KCNQ5: variants seen among roughly 807,000 people sequenced by gnomAD.
The protein encoded by KCNQ5 is potassium voltage-gated channel subfamily KQT member 5.
A neutral mutation model predicts 98.2 loss-of-function variants in KCNQ5; 30 were observed. The observed-to-expected ratio is 0.31, with a 90% confidence interval of 0.23 to 0.41. The LOEUF (loss-of-function observed/expected upper bound fraction) is 0.41. Among genes scored for constraint, KCNQ5 ranks in the 10% least tolerant of loss-of-function variants. The pLI is 1.00. For synonymous variants in KCNQ5, 458 were observed against 449.4 expected (o/e 1.02, Z -0.24); for missense variants, 835 against 1,182.5 (o/e 0.71, Z 4.31).
chr6:73,129,058 T>C (rs184220307), intron 9 of KCNQ5, among the ~76,000 whole-genome samples: 1 of 152,378 alleles, frequency 6.6e-6, no homozygotes, highest in Admixed American at 6.5e-5. Flanking sequence ...ATGAATGATC[T>C]GCATGTGTTG....
rs367882982 is a variant in KCNQ5, at chr6:72,644,122, A to G, written c.398+21535A>G. 8.7e-4 allele frequency among the ~76,000 whole-genome samples: 132 copies of G among 152,316 alleles called. 4 individuals are homozygous for G. The South Asian group carries it at 0.027, about 31-fold the overall frequency. ...TAGTAGGTTGTTCTCATTCTGTTCC[A>G]TAAGGTCACTGCAAATACTGAATTA... On this transcript the variant is annotated intron_variant, in intron 1 of 13. Coordinates refer to ENST00000370398, the MANE Select transcript of KCNQ5 (RefSeq NM_019842.4).
chr6:73,154,822 T>C (rs906859039), intron 10 of KCNQ5, among the ~76,000 whole-genome samples: 1 of 152,326 alleles, frequency 6.6e-6, no homozygotes, highest in Non-Finnish European at 1.5e-5. Flanking sequence ...AAGTAAACAT[T>C]ATGTGGAAAT....
At chr6:72,830,691 TA>T (rs1455541908) in intron 1 of KCNQ5, among the ~76,000 whole-genome samples, 1 of 152,144 alleles carries the variant, frequency 6.6e-6, no homozygotes, top group East Asian at 1.9e-4. Flanking sequence ...ATCTCATGTC[TA>T]AAACACCAAA....
chr6:72,843,701 C>A (rs1776901347), intron 1 of KCNQ5, among the ~76,000 whole-genome samples: 1 of 152,110 alleles, frequency 6.6e-6, no homozygotes, highest in African/African-American at 2.4e-5. Context: ...TGGGTATATA[C>A]CCAAAGGATT....
In KCNQ5 at chr6:73,144,483, C is replaced by T. The variant is rs992680419; in HGVS notation, c.1468+10842C>T. 3.3e-5 allele frequency among the ~76,000 whole-genome samples: 5 copies of T among 152,248 alleles called. No individual in the cohort carries two copies. In the South Asian group the frequency reaches 8.3e-4, roughly 25 times the overall value. The stretch of plus-strand genomic sequence containing the variant: ...TCTAATGCAGTAGCAATTGTTATAC[C>T]ACATCGTTCTATTGGAATTGATGAC... On this transcript the variant is annotated intron_variant, in intron 10 of 13. Transcript: ENST00000370398.
At chr6:73,119,180 A>G (rs1775642859) in intron 7 of KCNQ5, among the ~76,000 whole-genome samples, 1 of 152,242 alleles carries the variant, frequency 6.6e-6, no homozygotes, top group Non-Finnish European at 1.5e-5. Context: ...ACCAAAATCT[A>G]TATGGGAAAG....
intron 10 of KCNQ5, among the ~76,000 whole-genome samples, chr6:73,145,227 T>C (rs762426562): frequency 2.7e-4 from 41 of 152,200 alleles, no homozygotes; most frequent in Admixed American, 6.5e-5. Context: ...TTTCTATGAA[T>C]TGGCTCATTT....
At chr6:73,098,010 AT>A (rs1405708916) in intron 5 of KCNQ5, among the ~76,000 whole-genome samples, 1 of 152,162 alleles carries the variant, frequency 6.6e-6, no homozygotes, top group East Asian at 1.9e-4. Context: ...CCAGGAAAAC[AT>A]GAGACACTCA....
intron 1 of KCNQ5, among the ~76,000 whole-genome samples, chr6:72,727,799 G>A (rs1449018383): frequency 1.3e-5 from 2 of 151,996 alleles, no homozygotes; most frequent in Non-Finnish European, 2.9e-5. Flanking sequence ...GGCCTCAGTT[G>A]CAGGTTGGGT....
chr6:72,941,476 TTCCC>T (rs1457026751), intron 1 of KCNQ5, among the ~76,000 whole-genome samples: 8 of 97,302 alleles, frequency 8.2e-5, no homozygotes, highest in African/African-American at 7.6e-5. Context: ...CCTTCCCTCC[TTCCC>T]TCCCTCCCTT....
intron 3 of KCNQ5, among the ~76,000 whole-genome samples, chr6:73,054,614 G>T (rs1230591982): frequency 6.6e-6 from 1 of 152,166 alleles, no homozygotes; most frequent in African/African-American, 2.4e-5. Context: ...CTCAATAAAT[G>T]CAGAAAAGGC....
chr6:72,899,445 C>T (rs967764544), intron 1 of KCNQ5, among the ~76,000 whole-genome samples: 1 of 152,084 alleles, frequency 6.6e-6, no homozygotes, highest in African/African-American at 2.4e-5. Flanking sequence ...TGGGGTCAAA[C>T]AATATGAGTA....
chr6:72,741,069 A>C (rs1030270427), intron 1 of KCNQ5, among the ~76,000 whole-genome samples: 1 of 152,240 alleles, frequency 6.6e-6, no homozygotes, highest in Admixed American at 6.5e-5. Flanking sequence ...AGTGCAGATG[A>C]GAATTCAGGT....
intron 1 of KCNQ5, among the ~76,000 whole-genome samples, chr6:72,965,070 C>T (rs1237256338): frequency 1.3e-5 from 2 of 152,124 alleles, no homozygotes; most frequent in Non-Finnish European, 2.9e-5. Context: ...ACCTCGGCCT[C>T]GAGTGCTGGG....
At chr6:72,846,314 T>C (rs1392525282) in intron 1 of KCNQ5, among the ~76,000 whole-genome samples, 1 of 152,130 alleles carries the variant, frequency 6.6e-6, no homozygotes, top group East Asian at 1.9e-4. Flanking sequence ...TGGGAACTGA[T>C]TTTAGAATCA....
At chr6:73,143,321 C>T (rs962471733) in intron 10 of KCNQ5, 8 of 152,166 alleles carry the variant, frequency 5.3e-5, no homozygotes, top group African/African-American at 1.9e-4. Flanking sequence ...AAAGTATCTT[C>T]CTTAGCCATT....
intron 1 of KCNQ5, among the ~76,000 whole-genome samples, chr6:72,781,071 T>C (rs1297098738): frequency 6.6e-6 from 1 of 152,220 alleles, no homozygotes; most frequent in African/African-American, 2.4e-5. Flanking sequence ...GAATGTGATC[T>C]TATTTGGAAA....
chr6:72,929,860 A>G (rs1765612191), intron 1 of KCNQ5, among the ~76,000 whole-genome samples: 1 of 152,188 alleles, frequency 6.6e-6, no homozygotes, highest in Non-Finnish European at 1.5e-5. Flanking sequence ...TGTTAATATT[A>G]AACACAGTCT....
intron 3 of KCNQ5, among the ~76,000 whole-genome samples, 183 bp from the exon 4 acceptor site, chr6:73,077,139 G>A (rs1194637269): frequency 6.6e-6 from 1 of 152,184 alleles, no homozygotes; most frequent in African/African-American, 2.4e-5. Context: ...CCCATTCTCT[G>A]CCTTTTCATT....
Sources: allele counts gnomAD v4.1 joint callset (sites outside exome capture counted in the v4.1 genomes callset), GRCh38; gene constraint gnomAD v4.1.1; transcripts MANE v1.5; gene names NCBI Gene and HGNC (gene_info 2026-07-23, HGNC 2026-07-21).